The following FRMD4B variants were observed in gnomAD, a reference collection of about 807,000 sequenced individuals.
FRMD4B encodes the protein FERM domain containing 4B.
FRMD4B carries 74 observed loss-of-function variants against 141.5 expected under a neutral mutation model. That is an observed-to-expected ratio of 0.52 (90% CI 0.43 to 0.63). The LOEUF is 0.63. Among genes scored for constraint, FRMD4B ranks in the 30% least tolerant of loss-of-function variants. The probability of loss-of-function intolerance (pLI) is 0.00; values close to 1 mark genes in which losing one functional copy is unlikely to be tolerated. For missense variants in FRMD4B, 1,366 were observed against 1,253.4 expected, an observed-to-expected ratio of 1.09 and a Z score of -1.36; for synonymous variants, 506 against 467.9, an observed-to-expected ratio of 1.08 and a Z score of -1.05.
intron 1 of FRMD4B, chr3:69,541,300 TGG>T (rs1701180905): frequency 6.6e-6 from 1 of 152,198 alleles, no homozygotes; most frequent in African/African-American, 2.4e-5. Flanking sequence ...TCAGAGGACT[TGG>T]CTCTGGTATG....
chr3:69,427,517 G>A (rs1020392412), intron 2 of FRMD4B, among the ~76,000 whole-genome samples: 21 of 150,824 alleles, frequency 1.4e-4, no homozygotes, highest in African/African-American at 3.9e-4. Context: ...CGTTTTCCCC[G>A]TCCAATATGG....
chr3:69,270,575 T>C (rs1825377), intron 5 of FRMD4B, among the ~76,000 whole-genome samples: 100,610 of 148,922 alleles, frequency 0.68, 34,718 homozygotes, highest in Non-Finnish European at 0.76. Flanking sequence ...TTTTCTTTTT[T>C]TTTTTTTTTG....
At chr3:69,183,150 C>T (rs1164241627) in intron 19 of FRMD4B, among the ~76,000 whole-genome samples, 1 of 152,076 alleles carries the variant, frequency 6.6e-6, no homozygotes, top group African/African-American at 2.4e-5. Flanking sequence ...GTCTCTAGAG[C>T]GACTACTCAG....
At chr3:69,265,269 A>AATATATAT (rs1175250592) in intron 5 of FRMD4B, among the ~76,000 whole-genome samples, 1 of 23,430 alleles carries the variant, frequency 4.3e-5, no homozygotes, top group African/African-American at 1.7e-4. Context: ...AAAAAAAAAA[A>AATATATAT]ATATATATAT....
At chr3:69,329,181 G>C (rs758760821) in intron 1 of FRMD4B, among the ~76,000 whole-genome samples, 2 of 152,062 alleles carry the variant, frequency 1.3e-5, no homozygotes, top group African/African-American at 4.8e-5. Flanking sequence ...ACAAACAGAG[G>C]CTTCAGGTTT....
intron 1 of FRMD4B, among the ~76,000 whole-genome samples, chr3:69,490,145 A>T (rs1706279195): frequency 6.6e-6 from 1 of 152,210 alleles, no homozygotes; most frequent in Admixed American, 6.5e-5. Context: ...AAGTAAGATT[A>T]TGGTGCTGGT....
intron 5 of FRMD4B, among the ~76,000 whole-genome samples, chr3:69,281,621 C>A (rs1243682134): frequency 1.3e-5 from 2 of 151,694 alleles, no homozygotes; most frequent in Non-Finnish European, 2.9e-5. Flanking sequence ...GTCAGGAGTT[C>A]GAGACCAGCC....
intron 5 of FRMD4B, among the ~76,000 whole-genome samples, chr3:69,265,084 C>T (rs1403951657): frequency 4.2e-5 from 6 of 144,068 alleles, no homozygotes; most frequent in Admixed American, 1.4e-4. Context: ...TGAAACCCCT[C>T]TCTACTAAAA....
chr3:69,435,497 C>G (rs986263387), intron 1 of FRMD4B, among the ~76,000 whole-genome samples: 3 of 152,174 alleles, frequency 2.0e-5, no homozygotes, highest in African/African-American at 7.2e-5. Context: ...TGGCACACAG[C>G]CATGTCTATT....
At chr3:69,315,308 T>A (rs1701766710) in intron 1 of FRMD4B, among the ~76,000 whole-genome samples, 1 of 152,168 alleles carries the variant, frequency 6.6e-6, no homozygotes, top group South Asian at 2.1e-4. Flanking sequence ...GAAATCACCA[T>A]CCTATTAGTT....
intron 1 of FRMD4B, among the ~76,000 whole-genome samples, chr3:69,531,817 C>T (rs1377209986): frequency 6.6e-6 from 1 of 152,210 alleles, no homozygotes; most frequent in African/African-American, 2.4e-5. Context: ...ATTATCTGAA[C>T]TGTTTAAAGC....
chr3:69,225,030 C>T (rs1026453249), intron 7 of FRMD4B, among the ~76,000 whole-genome samples: 2 of 152,172 alleles, frequency 1.3e-5, no homozygotes, highest in Admixed American at 1.3e-4. Context: ...TCTTTAGTGG[C>T]TACATAATAT....
chr3:69,391,436 C>T (rs979144479), intron 2 of FRMD4B, among the ~76,000 whole-genome samples: 5 of 137,862 alleles, frequency 3.6e-5, no homozygotes, highest in Middle Eastern at 3.8e-3. Flanking sequence ...GTGTGATGTT[C>T]CCCACCCTGT....
intron 2 of FRMD4B, among the ~76,000 whole-genome samples, chr3:69,425,470 C>T (rs61033357): frequency 0.012 from 1,875 of 152,320 alleles, 33 homozygotes; most frequent in East Asian, 0.063. Context: ...GGAAAGTTCA[C>T]TTCCAATGCA....
At chr3:69,177,693 C>T (rs899069509) in intron 21 of FRMD4B, among the ~76,000 whole-genome samples, 5 of 152,080 alleles carry the variant, frequency 3.3e-5, no homozygotes, top group Non-Finnish European at 5.9e-5. Context: ...TTTAAAATAA[C>T]TGAAAAGACA....
chr3:69,172,773 C>T (rs982809066), intron 22 of FRMD4B, among the ~76,000 whole-genome samples: 1 of 152,070 alleles, frequency 6.6e-6, no homozygotes, highest in African/African-American at 2.4e-5. Flanking sequence ...CAAACCATTC[C>T]GATAAGCAAA....
At chr3:69,430,116 G>T (rs1248076012) in intron 2 of FRMD4B, among the ~76,000 whole-genome samples, 1 of 152,060 alleles carries the variant, frequency 6.6e-6, no homozygotes, top group Non-Finnish European at 1.5e-5. Flanking sequence ...GTACAAACGG[G>T]ACTAGAAAGA....
intron 11 of FRMD4B, among the ~76,000 whole-genome samples, chr3:69,207,306 T>TA (rs1559716983): frequency 0.012 from 391 of 33,966 alleles, 4 homozygotes; most frequent in African/African-American, 0.021. Flanking sequence ...ACCTATGTCT[T>TA]TAAAAAAAAA....
intron 1 of FRMD4B, among the ~76,000 whole-genome samples, chr3:69,473,792 A>T (rs1705934358): frequency 6.6e-6 from 1 of 152,204 alleles, no homozygotes; most frequent in Non-Finnish European, 1.5e-5. Context: ...GCTTTGGGCA[A>T]GGGGTTGAAG....
Sources: gnomAD v4.1 joint callset for allele counts (sites outside exome capture counted in the v4.1 genomes callset) on GRCh38, gnomAD v4.1.1 for gene constraint, MANE v1.5 for transcripts, NCBI Gene and HGNC (gene_info 2026-07-23, HGNC 2026-07-21) for gene names.